Variants in MTIF2 observed in about 807,000 individuals in gnomAD.
The protein encoded by MTIF2 is mitochondrial translational initiation factor 2, also known as translation initiation factor IF-2, mitochondrial.
MTIF2 carries 71 observed loss-of-function variants against 83.5 expected under a neutral mutation model. That is an observed-to-expected ratio of 0.85 (90% CI 0.70 to 1.04). The LOEUF (loss-of-function observed/expected upper bound fraction) is 1.04. Among genes scored for constraint, MTIF2 ranks in the 50% least tolerant of loss-of-function variants. MTIF2 has a pLI of 0.00. For synonymous variants in MTIF2, 319 were observed against 287.1 expected (o/e 1.11, Z -1.12); for missense variants, 957 against 846.5 (o/e 1.13, Z -1.62).
At chr2:55,266,959 C>T (rs576536146) in intron 3 of MTIF2, among the ~76,000 whole-genome samples, 215 of 151,522 alleles carry the variant, frequency 1.4e-3, no homozygotes, top group Non-Finnish European at 1.9e-3. Flanking sequence ...TAGTAGACAC[C>T]GGGTTTTACC....
intron 8 of MTIF2, among the ~76,000 whole-genome samples, chr2:55,250,347 T>C (rs897796738): frequency 7.9e-5 from 12 of 151,686 alleles, no homozygotes; most frequent in African/African-American, 2.9e-4. Context: ...AGGTCAACTG[T>C]ATTTTGGGTA....
At chr2:55,258,018 T>A (rs762628262) in intron 5 of MTIF2, among the ~76,000 whole-genome samples, 1 of 152,166 alleles carries the variant, frequency 6.6e-6, no homozygotes, top group Non-Finnish European at 1.5e-5. Context: ...TCTCAAACTC[T>A]TGGGCTCAAG....
intron 9 of MTIF2, among the ~76,000 whole-genome samples, chr2:55,248,158 G>A (rs1486212427): frequency 6.6e-6 from 1 of 152,178 alleles, no homozygotes; most frequent in African/African-American, 2.4e-5. Flanking sequence ...CAAAGTGCTA[G>A]GCTTACAGGC....
chr2:55,265,961 C>A (rs538896336), intron 3 of MTIF2, among the ~76,000 whole-genome samples: 105 of 152,152 alleles, frequency 6.9e-4, no homozygotes, highest in African/African-American at 2.5e-3. Flanking sequence ...TATTAGGTAT[C>A]ATAAGTAATC....
Position 55,244,011 on chromosome 2 carries a change from G to C in MTIF2, c.1311+18C>G. The C allele has an allele frequency of 6.3e-7, 1 of 1,588,812 alleles. No homozygotes were observed. The highest frequency in any genetic ancestry group is 1.7e-5 in the Admixed American group (1 of 59,338). ...TCATTATATTATATCTAATATATAGGAATTAAGCTTGATACACCTCAGATT... is the reference window on the plus strand; with the variant it reads ...TCATTATATTATATCTAATATATAGCAATTAAGCTTGATACACCTCAGATT... On this transcript the variant is annotated intron_variant, in intron 11 of 15. Coordinates refer to ENST00000263629, the MANE Select transcript of MTIF2 (RefSeq NM_002453.3).
At chr2:55,246,801 C>G (rs1676732880) in intron 9 of MTIF2, among the ~76,000 whole-genome samples, 1 of 152,174 alleles carries the variant, frequency 6.6e-6, no homozygotes, top group Non-Finnish European at 1.5e-5. Context: ...CATTCATTTT[C>G]TTTCTCCTCC....
At chr2:55,249,343 T>C in intron 9 of MTIF2, 52 bp downstream of exon 9, 2 of 1,596,940 alleles carry the variant, frequency 1.3e-6, no homozygotes, top group Non-Finnish European at 1.7e-6. Context: ...ACTGTGTGCA[T>C]TATGTACAGC....
At chr2:55,237,543 C>A in intron 14 of MTIF2, 115 bp from the exon 15 acceptor site, 2 of 984,008 alleles carry the variant, frequency 2.0e-6, no homozygotes, top group Non-Finnish European at 2.7e-6. Flanking sequence ...AAATTCATGC[C>A]TAGAAAAAAG....
At chr2:55,239,990 T>TAAC (rs774729890) in intron 14 of MTIF2, 21 bp downstream of exon 14, 8 of 1,584,776 alleles carry the variant, frequency 5.0e-6, no homozygotes, top group Non-Finnish European at 6.9e-6. Flanking sequence ...TTTTTAAAAG[T>TAAC]AACATTCAGT....
chr2:55,262,544 T>TC (rs1414413954), intron 4 of MTIF2, 117 bp from the exon 5 acceptor site: 12 of 490,800 alleles, frequency 2.4e-5, no homozygotes, highest in South Asian at 1.2e-4. Flanking sequence ...TTTTTTTCTT[T>TC]TTTTTTTTTT....
intron 8 of MTIF2, among the ~76,000 whole-genome samples, chr2:55,251,513 T>G (rs1173237164): frequency 3.3e-5 from 5 of 152,232 alleles, no homozygotes; most frequent in Admixed American, 2.6e-4. Flanking sequence ...ACTCCCAACC[T>G]TTTAAAAATC....
At chr2:55,239,978 A>G in intron 14 of MTIF2, 33 bp downstream of exon 14, 2 of 1,576,714 alleles carry the variant, frequency 1.3e-6, no homozygotes, top group East Asian at 2.3e-5. Context: ...CTAATATACT[A>G]ATTTTTAAAA....
At chr2:55,255,785 C>G (rs1677470329) in intron 5 of MTIF2, among the ~76,000 whole-genome samples, 2 of 152,046 alleles carry the variant, frequency 1.3e-5, no homozygotes, top group Admixed American at 6.6e-5. Context: ...CTCATTCAAC[C>G]TCAGCTTCAG....
chr2:55,236,861 A>G lies in MTIF2; in HGVS notation c.2012-41T>C, dbSNP rs184535854. ...TTAAGGTTAGTATATTCAATAAATG[A>G]TAAGTACCTACTAAATACTACATTA... On this transcript the variant is annotated intron_variant, in intron 15 of 15. Coordinates refer to ENST00000263629, the MANE Select transcript of MTIF2 (RefSeq NM_002453.3). 1,295 of 1,421,862 alleles carry G rather than the reference A, an allele frequency of 9.1e-4. 20 individuals are homozygous for G. In the East Asian group the frequency reaches 0.024, roughly 27 times the overall value. 88.1% of individuals were successfully genotyped at this position (1,421,862 alleles called of 1,614,324 possible).
At position 55,236,891 on chromosome 2, in the gene MTIF2, GTGT is replaced by G. The variant is rs1026852945; in HGVS notation, c.2012-74_2012-72del. The G allele has an allele frequency of 2.6e-6, 3 of 1,174,442 alleles. No homozygotes were observed. The African/African-American group carries it at 4.8e-5, about 19-fold the overall frequency. 72.8% of individuals were successfully genotyped at this position (1,174,442 alleles called of 1,614,324 possible). The stretch of plus-strand genomic sequence containing the variant: ...TACCTACTAAATACTACATTATGTG[GTGT>G]TAACCAGGAAATTACACTGAAATTC... On this transcript the variant is annotated intron_variant, in intron 15 of 15. Coordinates refer to ENST00000263629, the MANE Select transcript of MTIF2 (RefSeq NM_002453.3).
chr2:55,265,245 A>G (rs1488075717), intron 3 of MTIF2, among the ~76,000 whole-genome samples: 5 of 120,224 alleles, frequency 4.2e-5, no homozygotes, highest in African/African-American at 1.6e-4. Context: ...CTCTGTCTTG[A>G]AAAAAAAAAA....
At chr2:55,236,894 T>G (rs374389661) in intron 15 of MTIF2, 74 bp from the exon 16 acceptor site, 56 of 1,168,238 alleles carry the variant, frequency 4.8e-5, no homozygotes, top group East Asian at 1.1e-4. Context: ...TTATGTGGTG[T>G]TAACCAGGAA....
intron 5 of MTIF2, among the ~76,000 whole-genome samples, chr2:55,256,956 G>A (rs565948339): frequency 2.7e-4 from 41 of 152,124 alleles, no homozygotes; most frequent in East Asian, 3.9e-4. Flanking sequence ...CTTGGCCTCC[G>A]AAAGTTCTGG....
chr2:55,253,899 T>C, intron 7 of MTIF2, 142 bp downstream of exon 7: 1 of 851,334 alleles, frequency 1.2e-6, no homozygotes, highest in Non-Finnish European at 1.8e-6. Flanking sequence ...TACTAACCAC[T>C]TGCTCTACAT....
Sources: allele counts gnomAD v4.1 joint callset (sites outside exome capture counted in the v4.1 genomes callset), GRCh38; gene constraint gnomAD v4.1.1; transcripts MANE v1.5; gene names NCBI Gene and HGNC (gene_info 2026-07-23, HGNC 2026-07-21).